The following CALB1 variants were observed in gnomAD, a reference collection of about 807,000 sequenced individuals.
The protein encoded by CALB1 is calbindin 1.
Under a neutral mutation model 46.7 loss-of-function variants are expected in CALB1, and 16 were observed. The observed-to-expected ratio is 0.34, with a 90% CI of 0.23 to 0.52. The LOEUF (loss-of-function observed/expected upper bound fraction) is 0.52. Ranked by LOEUF, CALB1 falls within the 20% of genes least tolerant of loss-of-function variation. CALB1 has a pLI of 0.95. For synonymous variants in CALB1, 90 were observed against 112.8 expected (o/e 0.80, Z 1.28); for missense variants, 224 against 300.3 (o/e 0.75, Z 1.88).
At chr8:90,082,548 C>T (rs1814751226) in intron 1 of CALB1, 71 bp downstream of exon 1, 2 of 1,256,520 alleles carry the variant, frequency 1.6e-6, no homozygotes, top group South Asian at 2.4e-5. Flanking sequence ...TCAGGAGGCT[C>T]AGAAAAGGGC....
intron 3 of CALB1, among the ~76,000 whole-genome samples, chr8:90,075,574 T>C (rs940006427): frequency 1.3e-5 from 2 of 152,136 alleles, no homozygotes; most frequent in African/African-American, 2.4e-5. Context: ...TATGTCAAAT[T>C]GGAAAAAGAA....
Position 90,078,811 on chromosome 8 carries a change from C to T in CALB1, c.157-364G>A, listed in dbSNP as rs1814667297. Among the ~76,000 whole-genome samples, 3 of 151,900 alleles carry T rather than the reference C, an allele frequency of 2.0e-5. No homozygotes were observed. The South Asian group carries it at 6.2e-4, about 32-fold the overall frequency. The stretch of plus-strand genomic sequence containing the variant: ...ACAATGCTTGCTTCATTAAAGATTA[C>T]CTTATATTGCTACACTATCTTGTCT... On this transcript the variant is annotated intron_variant, in intron 2 of 10. Coordinates refer to ENST00000265431, the MANE Select transcript of CALB1 (RefSeq NM_004929.4).
chr8:90,074,197 G>C (rs973497797), intron 3 of CALB1, among the ~76,000 whole-genome samples: 1 of 152,052 alleles, frequency 6.6e-6, no homozygotes. Context: ...AGATGGGGTC[G>C]ATTTTGTAGT....
chr8:90,076,737 G>A (rs995731089), intron 3 of CALB1, among the ~76,000 whole-genome samples: 2 of 151,846 alleles, frequency 1.3e-5, no homozygotes, highest in Non-Finnish European at 2.9e-5. Context: ...AGGACAATGC[G>A]TCTGCTAAAT....
intron 3 of CALB1, chr8:90,078,171 G>T (rs1183735889): frequency 5.3e-6 from 2 of 376,068 alleles, no homozygotes; most frequent in Non-Finnish European, 9.4e-6. Context: ...TGAAATTTAG[G>T]CCCTGGGTTA....
chr8:90,060,834 C>T, intron 9 of CALB1, 134 bp from the exon 10 acceptor site: 1 of 750,330 alleles, frequency 1.3e-6, no homozygotes, highest in Non-Finnish European at 2.3e-6. Flanking sequence ...TTATGTCAGG[C>T]CACCCAAGTT....
chr8:90,065,832 G>A, intron 6 of CALB1, 66 bp downstream of exon 6: 1 of 968,618 alleles, frequency 1.0e-6, no homozygotes, highest in South Asian at 1.3e-5. Context: ...GTAGCCTTGG[G>A]AGTTAGCAAG....
chr8:90,082,814 C>CA lies in CALB1; in HGVS notation c.-118_-117insT. 3 of 986,198 alleles carry CA rather than the reference C, an allele frequency of 3.0e-6. No individual in the cohort carries two copies. The highest frequency in any genetic ancestry group is 4.9e-6 in the Non-Finnish European group (3 of 617,374). 61.1% of individuals were successfully genotyped at this position (986,198 alleles called of 1,614,324 possible). A position where few individuals can be genotyped will look rare whatever the true frequency, so the allele number is the denominator to read the frequency against. ...TCAGGGCTGCGGAGGGAGACCTGGGCGCGGGCGCTGCCGGGCGCTGTCCTC... is the reference window on the plus strand; with the variant it reads ...TCAGGGCTGCGGAGGGAGACCTGGGCAGCGGGCGCTGCCGGGCGCTGTCCTC... On this transcript the variant is annotated 5_prime_UTR_variant, in exon 1 of 11. Transcript: ENST00000265431.
intron 5 of CALB1, among the ~76,000 whole-genome samples, chr8:90,067,478 AAC>A (rs1321839231): frequency 2.0e-5 from 3 of 152,178 alleles, no homozygotes; most frequent in Non-Finnish European, 2.9e-5. Flanking sequence ...ATAAAATAAA[AAC>A]ACAGTGGCTT....
intron 2 of CALB1, among the ~76,000 whole-genome samples, chr8:90,080,870 A>G (rs1489579345): frequency 6.6e-6 from 1 of 152,112 alleles, no homozygotes; most frequent in Non-Finnish European, 1.5e-5. Flanking sequence ...ATTAAATTTT[A>G]TATATATCAC....
intron 9 of CALB1, 165 bp downstream of exon 9, chr8:90,062,935 G>T: frequency 1.9e-6 from 1 of 535,248 alleles, no homozygotes; most frequent in Non-Finnish European, 3.3e-6. Context: ...CTCATCAATG[G>T]GCATAAAGTC....
intron 1 of CALB1, 97 bp downstream of exon 1, chr8:90,082,522 A>G (rs1814750689): frequency 1.0e-6 from 1 of 971,622 alleles, no homozygotes; most frequent in Non-Finnish European, 1.7e-6. Flanking sequence ...AAGAATAGAA[A>G]GGAGGGATAA....
At position 90,082,823 on chromosome 8, in the gene CALB1, T is replaced by C; in HGVS notation, c.-126A>G. ...CGGAGGGAGACCTGGGCGCGGGCGCTGCCGGGCGCTGTCCTCGGTGCTGCT... is the reference window on the plus strand; with the variant it reads ...CGGAGGGAGACCTGGGCGCGGGCGCCGCCGGGCGCTGTCCTCGGTGCTGCT... On this transcript the variant is annotated 5_prime_UTR_variant, in exon 1 of 11. Coordinates refer to ENST00000265431, the MANE Select transcript of CALB1 (RefSeq NM_004929.4). 1 of 832,036 alleles carries C rather than the reference T, an allele frequency of 1.2e-6. No individual in the cohort carries two copies. 51.5% of individuals were successfully genotyped at this position (832,036 alleles called of 1,614,324 possible). A position where few individuals can be genotyped will look rare whatever the true frequency, so the allele number is the denominator to read the frequency against.
In CALB1 at chr8:90,063,132, C is replaced by G; in HGVS notation, c.568G>C (p.Glu190Gln). Residue 190 changes from glutamate to glutamine, a missense_variant, in exon 9 of 11, where the codon GAG (glutamate) becomes CAG (glutamine). Glu to Gln is a conservative substitution (Grantham distance 29, BLOSUM62 2). Coordinates refer to ENST00000265431, the MANE Select transcript of CALB1 (RefSeq NM_004929.4). Reference protein sequence around the residue: ...KFQGIKMCGKEFNKAFELYDQ... With the variant: ...KFQGIKMCGKQFNKAFELYDQ... ...TACAGCTCAAAAGCCTTATTGAACT[C>G]TTTCCCACACATTTTGATTCCCTAA... 1.2e-6 allele frequency: 2 copies of G among 1,608,952 alleles called. No individual in the cohort carries two copies. The highest frequency in any genetic ancestry group is 4.5e-5 in the East Asian group (2 of 44,728).
At chr8:90,082,585 G>A (rs1433407397) in intron 1 of CALB1, 34 bp downstream of exon 1, 1 of 1,559,628 alleles carries the variant, frequency 6.4e-7, no homozygotes, top group Non-Finnish European at 8.8e-7. Context: ...CATGGAAACG[G>A]GTCTTGAAAC....
intron 10 of CALB1, 46 bp from the exon 11 acceptor site, chr8:90,060,332 T>TTCCA: frequency 8.9e-7 from 1 of 1,122,082 alleles, no homozygotes; most frequent in Non-Finnish European, 1.4e-6. Context: ...AATATGGAAG[T>TTCCA]TAATTAACCA....
At chr8:90,060,580 G>T in intron 10 of CALB1, 49 bp downstream of exon 10, 1 of 1,429,388 alleles carries the variant, frequency 7.0e-7, no homozygotes, top group Non-Finnish European at 9.9e-7. Flanking sequence ...GTTTTGGATG[G>T]ATCCACAGAG....
intron 3 of CALB1, 130 bp from the exon 4 acceptor site, chr8:90,069,367 T>G (rs557022784): frequency 1.4e-6 from 1 of 700,588 alleles, no homozygotes; most frequent in South Asian, 1.6e-5. Context: ...GGAAAAACAT[T>G]AGAGTCGGCT....
At chr8:90,081,663 C>T (rs1814734134) in intron 2 of CALB1, 1 of 166,668 alleles carries the variant, frequency 6.0e-6, no homozygotes, top group Non-Finnish European at 1.3e-5. Flanking sequence ...CCTTTTAAGA[C>T]CTATTAATGC....
Sources: allele counts gnomAD v4.1 joint callset (sites outside exome capture counted in the v4.1 genomes callset), GRCh38; gene constraint gnomAD v4.1.1; transcripts MANE v1.5; gene names NCBI Gene and HGNC (gene_info 2026-07-23, HGNC 2026-07-21).